The following UBE2J1 variants were observed in gnomAD, a reference collection of about 807,000 sequenced individuals.
The protein encoded by UBE2J1 is ubiquitin-conjugating enzyme E2 J1.
Under a neutral mutation model 42.1 loss-of-function variants are expected in UBE2J1, and 17 were observed. That is an observed-to-expected ratio of 0.40 (90% CI 0.28 to 0.61). The LOEUF (loss-of-function observed/expected upper bound fraction) is 0.61, where lower values mean the gene tolerates loss of function less well. Among genes scored for constraint, UBE2J1 ranks in the 20% least tolerant of loss-of-function variants. UBE2J1 has a pLI of 0.38. For missense variants in UBE2J1, 291 were observed against 389.4 expected (o/e 0.75, Z 2.13); for synonymous variants, 127 against 137.2 (o/e 0.93, Z 0.52).
At chr6:89,340,571 CA>C (rs1242715719) in intron 3 of UBE2J1, among the ~76,000 whole-genome samples, 1 of 152,154 alleles carries the variant, frequency 6.6e-6, no homozygotes, top group East Asian at 1.9e-4. Context: ...GGTGTGATTA[CA>C]ATTACCAAAC....
intron 1 of UBE2J1, among the ~76,000 whole-genome samples, chr6:89,351,069 CTTTTTTTTTTTTTT>C (rs1193022037): frequency 1.3e-4 from 8 of 60,442 alleles, no homozygotes; most frequent in Non-Finnish European, 2.4e-4. Flanking sequence ...CCGGGATTCT[CTTTTTTTTTTTTTT>C]TTTTTTTTTT....
intron 1 of UBE2J1, among the ~76,000 whole-genome samples, chr6:89,351,232 C>T (rs1011140055): frequency 7.2e-5 from 11 of 151,872 alleles, no homozygotes; most frequent in Non-Finnish European, 1.0e-4. Flanking sequence ...GAGTGCGCCA[C>T]CACCATGCCC....
In UBE2J1 at chr6:89,352,599, C is replaced by T. The variant is rs374034303; in HGVS notation, c.-30G>A. 5.2e-6 allele frequency: 8 copies of T among 1,547,798 alleles called. No homozygotes were observed. The African/African-American group carries it at 7.1e-5, about 14-fold the overall frequency. ...GGTCGCTGGCTTGGCTCCGGCCTCCCGGGCCGCTGCCACCTCCTCTCCACG... is the reference window on the plus strand; with the variant it reads ...GGTCGCTGGCTTGGCTCCGGCCTCCTGGGCCGCTGCCACCTCCTCTCCACG... On this transcript the variant is annotated 5_prime_UTR_variant, in exon 1 of 8. Transcript: ENST00000435041.
chr6:89,342,330 G>A lies in UBE2J1; in HGVS notation c.231C>T (p.Leu77=), dbSNP rs1245290235. ...EYPMKPPSII[L]LTANGRFEVG... is the part of the protein sequence containing the mutation. ...AAAAATCCAAAATTCTTACCGTTAG[G>A]AGAATAATGCTTGGTGGTTTCATGG... Residue 77 remains leucine (L), a synonymous_variant, in exon 3 of 8, where the codon CTC becomes CTT. Coordinates refer to ENST00000435041, the MANE Select transcript of UBE2J1 (RefSeq NM_016021.3). The A allele has an allele frequency of 1.9e-6, 3 of 1,613,986 alleles. No individual in the cohort carries two copies. The highest frequency in any genetic ancestry group is 2.5e-6 in the Non-Finnish European group (3 of 1,179,964).
intron 6 of UBE2J1, among the ~76,000 whole-genome samples, chr6:89,335,004 C>A (rs572339624): frequency 1.3e-5 from 2 of 152,250 alleles, no homozygotes; most frequent in Admixed American, 1.3e-4. Context: ...TGAACCCTGG[C>A]ATTGTATACC....
At chr6:89,337,725 T>A in intron 5 of UBE2J1, among the ~76,000 whole-genome samples, 1 of 152,190 alleles carries the variant, frequency 6.6e-6, no homozygotes, top group Admixed American at 6.5e-5. Flanking sequence ...TGATTGCCAC[T>A]GGGCAATCAC....
At chr6:89,348,516 C>G (rs111600816) in intron 1 of UBE2J1, among the ~76,000 whole-genome samples, 7 of 152,174 alleles carry the variant, frequency 4.6e-5, no homozygotes, top group Non-Finnish European at 8.8e-5. Context: ...AAGGCATGCT[C>G]CCTAACTGCC....
chr6:89,349,048 C>G (rs1363866021), intron 1 of UBE2J1, among the ~76,000 whole-genome samples: 2 of 152,256 alleles, frequency 1.3e-5, no homozygotes, highest in East Asian at 3.9e-4. Context: ...CCAGCCTGGG[C>G]AACATGGTGA....
At chr6:89,342,685 AAC>A (rs1447115427) in intron 2 of UBE2J1, among the ~76,000 whole-genome samples, 15 of 152,352 alleles carry the variant, frequency 9.8e-5, no homozygotes, top group African/African-American at 3.4e-4. Context: ...TTTTATAATA[AAC>A]ACATTAAAAA....
At position 89,329,476 on chromosome 6, in the gene UBE2J1, T is replaced by C; in HGVS notation, c.*203A>G. 1 of 567,958 alleles carries C rather than the reference T, an allele frequency of 1.8e-6. No homozygotes were observed. The highest frequency in any genetic ancestry group is 3.0e-6 in the Non-Finnish European group (1 of 331,154). The allele number at this position is 567,958 out of a possible 1,614,324, so 35.2% of individuals were successfully genotyped here. A position where few individuals can be genotyped will look rare whatever the true frequency, so the allele number is the denominator to read the frequency against. The stretch of plus-strand genomic sequence containing the variant: ...GATCAAATAGTGAGACAAGGAACTT[T>C]GACTTCTAGTCCCTTTAAGCAGGAC... On this transcript the variant is annotated 3_prime_UTR_variant, in exon 8 of 8. Coordinates refer to ENST00000435041, the MANE Select transcript of UBE2J1 (RefSeq NM_016021.3).
At chr6:89,343,434 C>CA (rs58981898) in intron 2 of UBE2J1, among the ~76,000 whole-genome samples, 1,845 of 80,662 alleles carry the variant, frequency 0.023, 56 homozygotes, top group African/African-American at 0.065. Context: ...GACTCCGCCT[C>CA]AAAAAAAAAA....
At chr6:89,350,616 T>C (rs1768457047) in intron 1 of UBE2J1, among the ~76,000 whole-genome samples, 1 of 151,774 alleles carries the variant, frequency 6.6e-6, no homozygotes, top group Non-Finnish European at 1.5e-5. Flanking sequence ...AGCAACACTA[T>C]CTTTGAGGAA....
In UBE2J1 at chr6:89,328,104, A is replaced by G. The variant is rs148172099; in HGVS notation, c.*1575T>C. ...AAATGCGAATTTATTAAAGTTTAAG[A>G]CAATTCTGTATTATATAATAGTGTA... On this transcript the variant is annotated 3_prime_UTR_variant, in exon 8 of 8. Transcript: ENST00000435041. 71 of 152,348 alleles carry G rather than the reference A, an allele frequency of 4.7e-4. No individual in the cohort carries two copies. The highest frequency in any genetic ancestry group is 1.5e-3 in the African/African-American group (63 of 41,590). The allele number at this position is 152,348 out of a possible 1,614,324, so 9.4% of individuals were successfully genotyped here.
intron 5 of UBE2J1, among the ~76,000 whole-genome samples, chr6:89,336,023 A>AT (rs1442815082): frequency 6.6e-6 from 1 of 152,106 alleles, no homozygotes; most frequent in Non-Finnish European, 1.5e-5. Flanking sequence ...TTGTTTTTCC[A>AT]TTTTTCCCTT....
At chr6:89,351,154 T>C (rs545389242) in intron 1 of UBE2J1, among the ~76,000 whole-genome samples, 1 of 134,278 alleles carries the variant, frequency 7.4e-6, no homozygotes, top group East Asian at 2.5e-4. Context: ...CGATCTCGGC[T>C]CACTGCAACC....
intron 7 of UBE2J1, among the ~76,000 whole-genome samples, chr6:89,332,024 C>A (rs562267559): frequency 6.6e-6 from 1 of 152,296 alleles, no homozygotes; most frequent in East Asian, 1.9e-4. Flanking sequence ...TAGACTACCA[C>A]CCTGTTCTTC....
Position 89,332,066 on chromosome 6 carries a change from T to TGGGCATAGAGA in UBE2J1, c.678+1019_678+1020insTCTCTATGCCC, listed in dbSNP as rs1768018818. Among the ~76,000 whole-genome samples, 5 of 152,220 alleles carry TGGGCATAGAGA rather than the reference T, an allele frequency of 3.3e-5. No individual in the cohort carries two copies. In the South Asian group the frequency reaches 1.0e-3, roughly 31 times the overall value. On this transcript the variant is annotated intron_variant, in intron 7 of 7. Transcript: ENST00000435041. ...CAACTTTTCTCTGCCCAGCTCACTC[T>TGGGCATAGAGA]CTGAATAGGAGAGACTCACTCAAGA...
At position 89,327,599 on chromosome 6, in the gene UBE2J1, A is replaced by C. The variant is rs1395777000; in HGVS notation, c.*2080T>G. On this transcript the variant is annotated 3_prime_UTR_variant, in exon 8 of 8. Transcript: ENST00000435041. ...ACAAACAAGCAGGTGGCTAGCTGAC[A>C]GGTGGGGGAAGAGATGCAAGTCAGA... 1 of 152,242 alleles carries C rather than the reference A, an allele frequency of 6.6e-6. No homozygotes were observed. The highest frequency in any genetic ancestry group is 1.5e-5 in the Non-Finnish European group (1 of 68,046). 9.4% of individuals were successfully genotyped at this position (152,242 alleles called of 1,614,324 possible).
chr6:89,350,703 T>A, intron 1 of UBE2J1, among the ~76,000 whole-genome samples: 1 of 152,156 alleles, frequency 6.6e-6, no homozygotes, highest in East Asian at 1.9e-4. Flanking sequence ...TGACAATAGT[T>A]CACATACTTT....
Sources: gnomAD v4.1 joint callset for allele counts (sites outside exome capture counted in the v4.1 genomes callset) on GRCh38, gnomAD v4.1.1 for gene constraint, MANE v1.5 for transcripts, NCBI Gene and HGNC (gene_info 2026-07-23, HGNC 2026-07-21) for gene names.